ZNF423: variants seen among roughly 807,000 people sequenced by gnomAD.
The protein encoded by ZNF423 is Ebf-associated zinc finger protein.
A neutral mutation model predicts 95.8 loss-of-function variants in ZNF423; 12 were observed. The observed-to-expected ratio is 0.13, with a 90% confidence interval of 0.08 to 0.20. The LOEUF (loss-of-function observed/expected upper bound fraction) is 0.20. Ranked by LOEUF, ZNF423 falls within the 10% of genes least tolerant of loss-of-function variation. The pLI, the probability that ZNF423 is intolerant of heterozygous loss-of-function variation, is 1.00. For synonymous variants in ZNF423, 749 were observed against 711.9 expected (o/e 1.05, Z -0.83); for missense variants, 1,316 against 1,737.1 (o/e 0.76, Z 4.31).
At chr16:49,730,168 A>G (rs1031245225) in intron 3 of ZNF423, among the ~76,000 whole-genome samples, 3 of 152,172 alleles carry the variant, frequency 2.0e-5, no homozygotes, top group African/African-American at 7.2e-5. Flanking sequence ...TGAAGTCTTC[A>G]GTAGCTCCTA....
intron 3 of ZNF423, among the ~76,000 whole-genome samples, chr16:49,640,252 C>T (rs1043770364): frequency 5.9e-5 from 9 of 152,132 alleles, no homozygotes; most frequent in African/African-American, 1.7e-4. Context: ...GCTCCCAGCA[C>T]GGGTGAACAC....
intron 3 of ZNF423, among the ~76,000 whole-genome samples, chr16:49,730,267 C>T (rs553584048): frequency 6.6e-6 from 1 of 152,316 alleles, no homozygotes; most frequent in South Asian, 2.1e-4. Context: ...CTCCCAGCTA[C>T]CCTTCTCCTC....
chr16:49,835,307 G>T (rs73569791), intron 1 of ZNF423, among the ~76,000 whole-genome samples: 28,882 of 152,154 alleles, frequency 0.19, 2,768 homozygotes, highest in African/African-American at 0.22. Flanking sequence ...GTGGAGAGAA[G>T]AATACAGACA....
chr16:49,715,981 G>A (rs1426656852), intron 3 of ZNF423, among the ~76,000 whole-genome samples: 1 of 152,070 alleles, frequency 6.6e-6, no homozygotes, highest in Non-Finnish European at 1.5e-5. Context: ...CCAGGAGGTC[G>A]ATGCTGCAGT....
intron 5 of ZNF423, among the ~76,000 whole-genome samples, chr16:49,623,670 A>G (rs1340226444): frequency 1.3e-5 from 2 of 152,198 alleles, no homozygotes; most frequent in Non-Finnish European, 2.9e-5. Flanking sequence ...CAGACGGAGA[A>G]ATTAAGAAGC....
rs1403400304 is a variant in ZNF423, at chr16:49,855,237, GC to G, written c.40+497del. ...CGCGTCCTCGGGCGACCAGGCAGGG[GC>G]CAGAGAGAGCCAGCGAGGCCCGGGG... On this transcript the variant is annotated intron_variant, in intron 1 of 7. Transcript: ENST00000563137. The surrounding 1 kb of genome is among the most constrained non-coding windows in gnomAD (Gnocchi z 4.7). Among the ~76,000 whole-genome samples the G allele has an allele frequency of 6.6e-6, 1 of 150,930 alleles. No homozygotes were observed. Among genetic ancestry groups the G allele is most frequent in the African/African-American group, 2.4e-5 (1 of 41,250 alleles).
At chr16:49,634,478 C>T (rs754111624) in intron 4 of ZNF423, among the ~76,000 whole-genome samples, 1 of 152,042 alleles carries the variant, frequency 6.6e-6, no homozygotes, top group African/African-American at 2.4e-5. Flanking sequence ...AGGCCCCTTC[C>T]GCTGTGGGGT....
At chr16:49,858,726 C>CG (rs1223919783), upstream of ZNF423, among the ~76,000 whole-genome samples, 3 of 143,812 alleles carry the variant, frequency 2.1e-5, no homozygotes, top group East Asian at 4.0e-4. The surrounding 1 kb of genome is among the most constrained non-coding windows in gnomAD (Gnocchi z 4.3). Flanking sequence ...AGCCCCCCCC[C>CG]CCACGCCCCC....
chr16:49,679,978 T>C (rs1383111034), intron 3 of ZNF423, among the ~76,000 whole-genome samples: 1 of 152,186 alleles, frequency 6.6e-6, no homozygotes, highest in Non-Finnish European at 1.5e-5. Context: ...ACTTCGGGTC[T>C]CCTGACTCTT....
chr16:49,781,513 G>A lies in ZNF423; in HGVS notation c.100+7974C>T, dbSNP rs1341378693. ...AAAGGGGACTGGGAGAAATGCAAACGCAAGTGCAGAAGCGCAGGGGTGTGG... is the reference window on the plus strand; with the variant it reads ...AAAGGGGACTGGGAGAAATGCAAACACAAGTGCAGAAGCGCAGGGGTGTGG... On this transcript the variant is annotated intron_variant, in intron 2 of 7. Transcript: ENST00000563137. Among the ~76,000 whole-genome samples, 5 of 152,318 alleles carry A rather than the reference G, an allele frequency of 3.3e-5. No individual in the cohort carries two copies. In the East Asian group the frequency reaches 5.8e-4, roughly 18 times the overall value.
Position 49,635,355 on chromosome 16 carries a change from A to G in ZNF423, c.3516+305T>C, listed in dbSNP as rs918475413. Among the ~76,000 whole-genome samples the G allele has an allele frequency of 6.6e-6, 1 of 152,264 alleles. No individual in the cohort carries two copies. The highest frequency in any genetic ancestry group is 1.5e-5 in the Non-Finnish European group (1 of 68,044). On this transcript the variant is annotated intron_variant, in intron 4 of 7. Coordinates refer to ENST00000563137, the MANE Select transcript of ZNF423 (RefSeq NM_001379286.1). This position sits in a 1 kb window ranked among gnomAD's most constrained non-coding sequence, Gnocchi z 4.8. ...CCACTGTGCCAGGCACATTACCTGT[A>G]TGATGTCCTCGGCCTCTTACAACAA...
intron 5 of ZNF423, 33 bp downstream of exon 5, chr16:49,626,137 C>G: frequency 6.2e-7 from 1 of 1,605,298 alleles, no homozygotes; most frequent in African/African-American, 1.3e-5. Context: ...CAAAGAGTAG[C>G]TCCAGCATGG....
rs144113395 is a variant in ZNF423, at chr16:49,655,378, C to T, written c.302-16504G>A. 1.5e-3 allele frequency among the ~76,000 whole-genome samples: 233 copies of T among 152,278 alleles called. 1 individual carries two copies. Among genetic ancestry groups the T allele is most frequent in the African/African-American group, 5.1e-3 (210 of 41,554 alleles). ...TAGACCTCCCATAACTCCAGGTCTG[C>T]GAATGACTGAGAGTTAAACAATCAC... On this transcript the variant is annotated intron_variant, in intron 3 of 7. Coordinates refer to ENST00000563137, the MANE Select transcript of ZNF423 (RefSeq NM_001379286.1).
intron 2 of ZNF423, among the ~76,000 whole-genome samples, chr16:49,754,779 G>T (rs1446078106): frequency 6.6e-6 from 1 of 152,198 alleles, no homozygotes; most frequent in Admixed American, 6.5e-5. Flanking sequence ...GGGGGCTTGC[G>T]GGCCTGGGGT....
intron 1 of ZNF423, among the ~76,000 whole-genome samples, chr16:49,813,500 A>T (rs1044705345): frequency 5.3e-5 from 8 of 152,180 alleles, no homozygotes; most frequent in Non-Finnish European, 1.2e-4. Context: ...CCCCTGGGCC[A>T]TGGCCCAGGC....
chr16:49,720,724 C>T lies in ZNF423; in HGVS notation c.301+10047G>A, dbSNP rs77329031. Among the ~76,000 whole-genome samples, 1,078 of 152,340 alleles carry T rather than the reference C, an allele frequency of 7.1e-3. 8 individuals carry two copies. Among genetic ancestry groups the T allele is most frequent in the South Asian group, 0.018 (87 of 4,826 alleles). On this transcript the variant is annotated intron_variant, in intron 3 of 7. Coordinates refer to ENST00000563137, the MANE Select transcript of ZNF423 (RefSeq NM_001379286.1). ...TACCTGACAATCTGGCATTTCATTG[C>T]ACTCTTTTACTACTTCCTGTTTGTC... is the stretch of plus-strand genomic sequence containing the variant.
chr16:49,851,278 C>T (rs1294286138), intron 1 of ZNF423, among the ~76,000 whole-genome samples: 3 of 152,220 alleles, frequency 2.0e-5, no homozygotes, highest in African/African-American at 7.2e-5. Flanking sequence ...CCCACCACCA[C>T]CACCTAAATC....
intron 2 of ZNF423, among the ~76,000 whole-genome samples, chr16:49,766,930 T>C (rs1234394921): frequency 2.6e-5 from 4 of 152,028 alleles, no homozygotes; most frequent in Non-Finnish European, 4.4e-5. Context: ...CCTGGCAAAC[T>C]CCAGAACCCC....
chr16:49,831,630 G>A (rs372983654), intron 1 of ZNF423, among the ~76,000 whole-genome samples: 1 of 152,184 alleles, frequency 6.6e-6, no homozygotes. Flanking sequence ...GGGATCAACA[G>A]GAGCTGTTCT....
Sources: allele counts gnomAD v4.1 joint callset (sites outside exome capture counted in the v4.1 genomes callset), GRCh38; gene constraint gnomAD v4.1.1; non-coding constraint Gnocchi (gnomAD v3.1); transcripts MANE v1.5; gene names NCBI Gene and HGNC (gene_info 2026-07-23, HGNC 2026-07-21).